The following ARHGAP15 variants were observed in gnomAD, a reference collection of about 807,000 sequenced individuals.
The protein encoded by ARHGAP15 is Rho GTPase activating protein 15, also known as rho GTPase-activating protein 15.
Under a neutral mutation model 63.7 loss-of-function variants are expected in ARHGAP15, and 51 were observed. The observed-to-expected ratio is 0.80, with a 90% CI of 0.64 to 1.01. The LOEUF is 1.01. Among genes scored for constraint, ARHGAP15 ranks in the 50% least tolerant of loss-of-function variants. ARHGAP15 has a pLI of 0.00. For synonymous variants in ARHGAP15, 191 were observed against 193.8 expected (o/e 0.99, Z 0.12); for missense variants, 560 against 564.6 (o/e 0.99, Z 0.08).
chr2:143,344,995 CCT>C (rs1242100147), intron 6 of ARHGAP15, among the ~76,000 whole-genome samples: 5 of 152,158 alleles, frequency 3.3e-5, no homozygotes, highest in East Asian at 1.9e-4. Context: ...TCTCAGAAGG[CCT>C]CTCTTACTTC....
intron 6 of ARHGAP15, among the ~76,000 whole-genome samples, chr2:143,336,112 T>C (rs897808804): frequency 1.3e-5 from 2 of 152,170 alleles, no homozygotes; most frequent in African/African-American, 4.8e-5. Context: ...GCGATCCTCC[T>C]GCCTCAGTAT....
At chr2:143,659,814 C>T (rs887621457) in intron 12 of ARHGAP15, among the ~76,000 whole-genome samples, 3 of 152,062 alleles carry the variant, frequency 2.0e-5, no homozygotes, top group African/African-American at 4.8e-5. Flanking sequence ...CTGGAAATAC[C>T]CATGTCTTAG....
intron 4 of ARHGAP15, among the ~76,000 whole-genome samples, chr2:143,220,346 C>G (rs1228199760): frequency 6.6e-6 from 1 of 152,056 alleles, no homozygotes; most frequent in Non-Finnish European, 1.5e-5. Context: ...GTAGCTGGGA[C>G]CACAGGTACA....
chr2:143,535,944 A>C (rs1045859944), intron 10 of ARHGAP15, among the ~76,000 whole-genome samples: 1 of 152,190 alleles, frequency 6.6e-6, no homozygotes, highest in Non-Finnish European at 1.5e-5. Flanking sequence ...TTTGTGGATA[A>C]TGTATGTTTT....
At chr2:143,211,493 A>T (rs956073365) in intron 3 of ARHGAP15, among the ~76,000 whole-genome samples, 1 of 152,170 alleles carries the variant, frequency 6.6e-6, no homozygotes, top group African/African-American at 2.4e-5. Flanking sequence ...TGATCTATTA[A>T]AAGTTCAGAG....
At chr2:143,749,366 T>A (rs1686284360) in intron 13 of ARHGAP15, among the ~76,000 whole-genome samples, 1 of 152,196 alleles carries the variant, frequency 6.6e-6, no homozygotes, top group African/African-American at 2.4e-5. Context: ...AATGGCCTGG[T>A]CATGATCACA....
chr2:143,152,225 T>C (rs1344958936), intron 1 of ARHGAP15, among the ~76,000 whole-genome samples: 1 of 151,976 alleles, frequency 6.6e-6, no homozygotes, highest in Non-Finnish European at 1.5e-5. Flanking sequence ...ATGAAATCCA[T>C]TGTTTCTTTC....
chr2:143,298,353 T>C (rs561647121), intron 6 of ARHGAP15, among the ~76,000 whole-genome samples: 2 of 152,148 alleles, frequency 1.3e-5, no homozygotes, highest in South Asian at 4.1e-4. Context: ...AAACTCTTTA[T>C]TATCCTCTTA....
intron 10 of ARHGAP15, among the ~76,000 whole-genome samples, chr2:143,534,593 A>T (rs149836796): frequency 2.4e-4 from 36 of 152,168 alleles, no homozygotes; most frequent in Admixed American, 7.2e-4. Flanking sequence ...AAAGACCTAT[A>T]TGGGGCCAGG....
chr2:143,362,188 A>G (rs936217203), intron 6 of ARHGAP15, among the ~76,000 whole-genome samples: 2 of 152,038 alleles, frequency 1.3e-5, no homozygotes, highest in African/African-American at 4.8e-5. Flanking sequence ...CTCCTATAAT[A>G]CCCTGAATTA....
intron 2 of ARHGAP15, among the ~76,000 whole-genome samples, chr2:143,164,861 A>T (rs1317853514): frequency 6.6e-6 from 1 of 151,978 alleles, no homozygotes; most frequent in African/African-American, 2.4e-5. Context: ...CAAAAATTAC[A>T]TGGGCTGACA....
intron 11 of ARHGAP15, among the ~76,000 whole-genome samples, chr2:143,596,841 C>T (rs1231951356): frequency 6.6e-6 from 1 of 152,032 alleles, no homozygotes; most frequent in Non-Finnish European, 1.5e-5. Context: ...GAAAATATTT[C>T]CAAAATTCCA....
chr2:143,663,712 T>C (rs796903006), intron 12 of ARHGAP15, among the ~76,000 whole-genome samples: 1 of 151,074 alleles, frequency 6.6e-6, no homozygotes, highest in Non-Finnish European at 1.5e-5. Flanking sequence ...AATAAAAGGA[T>C]GGAGGAAGAT....
intron 12 of ARHGAP15, among the ~76,000 whole-genome samples, chr2:143,668,588 C>T (rs550772431): frequency 6.6e-6 from 1 of 152,300 alleles, no homozygotes; most frequent in Admixed American, 6.5e-5. Context: ...AGCCTGTTAT[C>T]TGACTCTTCT....
chr2:143,657,919 T>C (rs1559107541), intron 12 of ARHGAP15, among the ~76,000 whole-genome samples: 1 of 152,244 alleles, frequency 6.6e-6, no homozygotes, highest in Non-Finnish European at 1.5e-5. Flanking sequence ...TTCAGTTTGG[T>C]GTTCCTGTTT....
intron 12 of ARHGAP15, among the ~76,000 whole-genome samples, chr2:143,696,361 A>G (rs1683844983): frequency 6.7e-6 from 1 of 149,714 alleles, no homozygotes; most frequent in Non-Finnish European, 1.5e-5. Context: ...TTATTTATAT[A>G]TAAGATAGAT....
chr2:143,185,955 A>G (rs574537662), intron 2 of ARHGAP15, among the ~76,000 whole-genome samples: 46 of 152,268 alleles, frequency 3.0e-4, no homozygotes, highest in African/African-American at 9.9e-4. Flanking sequence ...CTTGAGGGGG[A>G]AAAATAAACC....
At chr2:143,730,590 T>C (rs1218219530) in intron 13 of ARHGAP15, among the ~76,000 whole-genome samples, 1 of 152,078 alleles carries the variant, frequency 6.6e-6, no homozygotes, top group Non-Finnish European at 1.5e-5. Flanking sequence ...ACCCACCAAA[T>C]AACAGCAGTA....
At chr2:143,181,165 G>A (rs892653288) in intron 2 of ARHGAP15, among the ~76,000 whole-genome samples, 6 of 152,224 alleles carry the variant, frequency 3.9e-5, no homozygotes, top group African/African-American at 1.4e-4. Flanking sequence ...TGAGCAGTAG[G>A]TCTCAACAAT....
Sources: allele counts gnomAD v4.1 joint callset (sites outside exome capture counted in the v4.1 genomes callset), GRCh38; gene constraint gnomAD v4.1.1; transcripts MANE v1.5; gene names NCBI Gene and HGNC (gene_info 2026-07-23, HGNC 2026-07-21).